The following MED12L variants were observed in gnomAD, a reference collection of about 807,000 sequenced individuals.
MED12L encodes mediator of RNA polymerase II transcription subunit 12-like protein.
In MED12L, 60 loss-of-function variants were observed where a neutral mutation model predicts 281.3. That is an observed-to-expected ratio of 0.21 (90% CI 0.17 to 0.26). The LOEUF is 0.26. MED12L is among the 10% of genes least tolerant of loss of function. The probability of loss-of-function intolerance (pLI) is 1.00; values close to 1 mark genes in which losing one functional copy is unlikely to be tolerated. For missense variants in MED12L, 2,146 were observed against 2,680.9 expected (o/e 0.80, Z 4.41); for synonymous variants, 974 against 987.2 (o/e 0.99, Z 0.25).
intron 2 of MED12L, among the ~76,000 whole-genome samples, chr3:151,106,075 A>G (rs1721977195): frequency 6.6e-6 from 1 of 151,824 alleles, no homozygotes; most frequent in Non-Finnish European, 1.5e-5. Context: ...CTATTATGTG[A>G]TCTTCCAACT....
chr3:151,318,093 A>G (rs1032368995), intron 16 of MED12L, among the ~76,000 whole-genome samples: 1 of 144,112 alleles, frequency 6.9e-6, no homozygotes. Context: ...GTATTTTCCT[A>G]TCTGCTTCCT....
intron 13 of MED12L, among the ~76,000 whole-genome samples, chr3:151,189,983 G>T (rs917474643): frequency 5.3e-5 from 8 of 152,036 alleles, no homozygotes; most frequent in African/African-American, 1.9e-4. Context: ...TGGTTCAATT[G>T]TAAAATCTCC....
intron 36 of MED12L, 67 bp from the exon 37 acceptor site, chr3:151,387,743 T>TA: frequency 6.5e-7 from 1 of 1,528,322 alleles, no homozygotes; most frequent in Non-Finnish European, 8.8e-7. Context: ...CCATGTCCCA[T>TA]ACAAGCCTGG....
Position 151,338,403 on chromosome 3 carries a change from A to G in MED12L, c.2251-11656A>G, listed in dbSNP as rs1003099624. 17 of 1,614,032 alleles carry G rather than the reference A, an allele frequency of 1.1e-5. No homozygotes were observed. Among genetic ancestry groups the G allele is most frequent in the Non-Finnish European group, 1.4e-5 (16 of 1,180,028 alleles). ...AGAGAGTAAGAACATGAATGCCCAG[A>G]TGACAACAGAGAGAATCTTAGCCCC... On this transcript the variant is annotated intron_variant, in intron 16 of 44. Coordinates refer to ENST00000687756, the MANE Select transcript of MED12L (RefSeq NM_001393769.1).
At chr3:151,303,249 C>T (rs1355043707) in intron 16 of MED12L, among the ~76,000 whole-genome samples, 1 of 152,016 alleles carries the variant, frequency 6.6e-6, no homozygotes, top group Non-Finnish European at 1.5e-5. Context: ...GATGTAGGAC[C>T]CATGAAAGGA....
intron 13 of MED12L, among the ~76,000 whole-genome samples, chr3:151,190,162 C>G (rs2700469): frequency 6.6e-6 from 1 of 151,992 alleles, no homozygotes. Flanking sequence ...AATGGGTATT[C>G]AGGACTACTA....
intron 16 of MED12L, among the ~76,000 whole-genome samples, chr3:151,333,221 C>G (rs1039893197): frequency 1.3e-5 from 2 of 152,164 alleles, no homozygotes; most frequent in African/African-American, 4.8e-5. Flanking sequence ...ATGCATGTGT[C>G]TCTATGATAG....
chr3:151,134,792 T>C (rs566154064), intron 5 of MED12L, among the ~76,000 whole-genome samples: 2 of 152,274 alleles, frequency 1.3e-5, no homozygotes, highest in African/African-American at 2.4e-5. Flanking sequence ...AGAAATACGT[T>C]ATCAAATAGT....
At chr3:151,110,368 G>A (rs974888515) in intron 2 of MED12L, among the ~76,000 whole-genome samples, 1 of 152,110 alleles carries the variant, frequency 6.6e-6, no homozygotes, top group Non-Finnish European at 1.5e-5. Flanking sequence ...CCAAACTTGG[G>A]GTCTAAGGAC....
intron 16 of MED12L, among the ~76,000 whole-genome samples, chr3:151,241,415 A>G (rs568157353): frequency 2.6e-4 from 40 of 152,296 alleles, no homozygotes; most frequent in Admixed American, 2.2e-3. Context: ...TCCTCAGGCT[A>G]TCTTGAATTC....
chr3:151,210,953 C>T (rs955900247), intron 16 of MED12L, among the ~76,000 whole-genome samples: 4 of 152,144 alleles, frequency 2.6e-5, no homozygotes, highest in African/African-American at 7.2e-5. Context: ...TGAACACTGG[C>T]GTGCCTGCAC....
intron 21 of MED12L, among the ~76,000 whole-genome samples, chr3:151,364,587 C>G (rs1415398242): frequency 6.6e-6 from 1 of 152,136 alleles, no homozygotes; most frequent in African/African-American, 2.4e-5. Flanking sequence ...TAAGAGTACT[C>G]TTATGTGTAA....
rs778594218 is a variant in MED12L, at chr3:151,165,525, G to A, written c.1357+6G>A. On this transcript the variant is annotated splice_donor_region_variant and intron_variant, in intron 10 of 44. Transcript: ENST00000687756. ...GTGCCAAGAATCCACAGCAGGTACA[G>A]AATGCCACAGAGGAACGAGTGCTTT... 6.2e-7 allele frequency: 1 copy of A among 1,603,438 alleles called. No individual in the cohort carries two copies. Among genetic ancestry groups the A allele is most frequent in the African/African-American group, 1.3e-5 (1 of 74,706 alleles).
intron 16 of MED12L, among the ~76,000 whole-genome samples, chr3:151,251,705 C>T (rs1257995748): frequency 2.0e-5 from 3 of 152,284 alleles, no homozygotes; most frequent in East Asian, 3.9e-4. Flanking sequence ...GTGGTTCTTG[C>T]CCCATTGCTT....
At chr3:151,406,601 C>G (rs1199202093) in intron 39 of MED12L, among the ~76,000 whole-genome samples, 1 of 152,108 alleles carries the variant, frequency 6.6e-6, no homozygotes, top group Non-Finnish European at 1.5e-5. Context: ...ACATAATATG[C>G]TCACATATAA....
In MED12L at chr3:151,436,463, A is replaced by AAAAT; in HGVS notation, c.*3663_*3666dup. ...TGTTTGTTTATTGTTATTTGTTGGCAAAATAAAAGTGCCTTAAGTTAAAAG... is the reference window on the plus strand; with the variant it reads ...TGTTTGTTTATTGTTATTTGTTGGCAAAATAAATAAAAGTGCCTTAAGTTAAAAG... On this transcript the variant is annotated 3_prime_UTR_variant, in exon 45 of 45. Coordinates refer to ENST00000687756, the MANE Select transcript of MED12L (RefSeq NM_001393769.1). The AAAAT allele has an allele frequency of 4.9e-6, 2 of 404,724 alleles. No homozygotes were observed. Among genetic ancestry groups the AAAAT allele is most frequent in the Non-Finnish European group, 8.7e-6 (2 of 228,744 alleles). 25.1% of individuals were successfully genotyped at this position (404,724 alleles called of 1,614,324 possible).
chr3:151,393,272 A>C (rs1169086864), intron 38 of MED12L, among the ~76,000 whole-genome samples: 2 of 152,192 alleles, frequency 1.3e-5, no homozygotes, highest in African/African-American at 2.4e-5. Flanking sequence ...AAAGAAAAAG[A>C]AGGGGAAGTA....
In MED12L at chr3:151,086,934, C is replaced by T. The variant is rs1055196814; in HGVS notation, c.8C>T (p.Ala3Val). The change falls in exon 2 of 45, where the codon GCC becomes GTC. Residue 3 changes from alanine to valine, a missense_variant. Transcript: ENST00000687756. MAAFGLLSYEQRP... is the reference protein window; with the variant it reads MAVFGLLSYEQRP... ...CGGTTAACATGAGAGATCATGGCCG[C>T]CTTCGGGCTTCTCAGCTATGAGCAG... 4 of 1,597,716 alleles carry T rather than the reference C, an allele frequency of 2.5e-6. No homozygotes were observed. Among genetic ancestry groups the T allele is most frequent in the South Asian group, 1.1e-5 (1 of 88,708 alleles).
chr3:151,432,328 A>C (rs1719629340), intron 44 of MED12L, among the ~76,000 whole-genome samples: 1 of 152,190 alleles, frequency 6.6e-6, no homozygotes, highest in Non-Finnish European at 1.5e-5. Context: ...TACATACCTT[A>C]TGGCTATTTG....
Sources: allele counts gnomAD v4.1 joint callset (sites outside exome capture counted in the v4.1 genomes callset), GRCh38; gene constraint gnomAD v4.1.1; transcripts MANE v1.5; gene names NCBI Gene and HGNC (gene_info 2026-07-23, HGNC 2026-07-21).